Variants in HPSE observed in about 807,000 individuals in gnomAD.
HPSE encodes heparanase, also known as endo-glucoronidase.
In HPSE, 48 loss-of-function variants were observed where a neutral mutation model predicts 65.1. That is an observed-to-expected ratio of 0.74 (90% CI 0.58 to 0.94). The LOEUF is 0.94. HPSE is among the 40% of genes least tolerant of loss of function. The pLI, the probability that HPSE is intolerant of heterozygous loss-of-function variation, is 0.00. For synonymous variants in HPSE, 243 were observed against 260.0 expected, an observed-to-expected ratio of 0.93 and a Z score of 0.63; for missense variants, 644 against 637.5, an observed-to-expected ratio of 1.01 and a Z score of -0.11.
chr4:83,324,172 A>G (rs998972981), intron 1 of HPSE, among the ~76,000 whole-genome samples: 5 of 118,660 alleles, frequency 4.2e-5, no homozygotes, highest in Non-Finnish European at 7.9e-5. Context: ...TCCAGGCTGG[A>G]GTACGATGGC....
At chr4:83,301,221 C>T (rs1735936029) in intron 10 of HPSE, 115 bp from the exon 11 acceptor site, 1 of 620,204 alleles carries the variant, frequency 1.6e-6, no homozygotes, top group African/African-American at 1.9e-5. Flanking sequence ...CATAATGCAT[C>T]CTAAGTATTA....
chr4:83,313,430 A>G, intron 3 of HPSE, 143 bp from the exon 4 acceptor site: 1 of 572,290 alleles, frequency 1.7e-6, no homozygotes, highest in Non-Finnish European at 2.9e-6. Context: ...TATGTTTTTG[A>G]GACAACAAAA....
rs981215963 is a variant in HPSE, at chr4:83,298,920, A to G, written c.1472+2040T>C. ...ATATGAGTAAGCGTACAGACTGTGC[A>G]CTCAAAAACTTATCTAGGATACTAT... On this transcript the variant is annotated intron_variant, in intron 11 of 11. Coordinates refer to ENST00000311412, the MANE Select transcript of HPSE (RefSeq NM_001098540.3). 6.6e-5 allele frequency among the ~76,000 whole-genome samples: 10 copies of G among 152,182 alleles called. No homozygotes were observed. The South Asian group carries it at 2.1e-3, about 31-fold the overall frequency.
At chr4:83,329,677 T>C (rs999741912) in intron 1 of HPSE, among the ~76,000 whole-genome samples, 23 of 152,180 alleles carry the variant, frequency 1.5e-4, no homozygotes, top group Non-Finnish European at 3.4e-4. Context: ...ATGAAATGCA[T>C]ACATTTCATG....
At chr4:83,312,623 A>T (rs1429146503) in intron 4 of HPSE, among the ~76,000 whole-genome samples, 1 of 142,948 alleles carries the variant, frequency 7.0e-6, no homozygotes, top group Non-Finnish European at 1.5e-5. Context: ...GCTTGCAGTG[A>T]GCCGAGATGG....
intron 3 of HPSE, among the ~76,000 whole-genome samples, chr4:83,314,989 C>T (rs1179139798): frequency 2.6e-5 from 4 of 151,798 alleles, no homozygotes; most frequent in Non-Finnish European, 4.4e-5. Context: ...AACCCCGTCT[C>T]TACTAAAAAT....
chr4:83,303,345 T>G (rs11099590), intron 9 of HPSE, among the ~76,000 whole-genome samples: 141,941 of 152,132 alleles, frequency 0.93, 67,016 homozygotes, highest in East Asian at 1. Flanking sequence ...GAGGGAGGAA[T>G]AACTTAAAGA....
At chr4:83,297,398 C>T (rs954902550) in intron 11 of HPSE, among the ~76,000 whole-genome samples, 3 of 150,414 alleles carry the variant, frequency 2.0e-5, no homozygotes, top group African/African-American at 7.4e-5. Context: ...CTTGATTCTT[C>T]CCCCCACCCC....
At chr4:83,322,070 T>C in intron 2 of HPSE, 149 bp downstream of exon 2, 1 of 315,054 alleles carries the variant, frequency 3.2e-6, no homozygotes, top group Non-Finnish European at 5.3e-6. Context: ...TGCCTCCTCC[T>C]CTTGTTCAGA....
intron 2 of HPSE, among the ~76,000 whole-genome samples, chr4:83,320,339 T>C (rs1736838432): frequency 1.3e-5 from 2 of 152,046 alleles, no homozygotes; most frequent in East Asian, 3.9e-4. Context: ...CCAAGGCAGA[T>C]GGATAGCTTG....
At position 83,295,451 on chromosome 4, in the gene HPSE, G is replaced by A. The variant is rs747557302; in HGVS notation, c.1525C>T (p.Pro509Ser). ...CGGAGAGGTTTTTCCATTAAAGGTG[G>A]CAAGGTTTGATCATCCACCATCTTT... ...TLKMVDDQTL[P>S]PLMEKPLRPG... Residue 509 changes from proline (P) to serine (S), a missense_variant, in exon 12 of 12, where the codon CCA becomes TCA. Pro to Ser is a moderately conservative substitution (Grantham distance 74). Transcript: ENST00000311412. 6.2e-7 allele frequency: 1 copy of A among 1,612,866 alleles called. No homozygotes were observed. Among genetic ancestry groups the A allele is most frequent in the South Asian group, 1.1e-5 (1 of 90,918 alleles).
At chr4:83,334,870 C>T, upstream of HPSE, 3 of 1,435,300 alleles carry the variant, frequency 2.1e-6, no homozygotes, top group African/African-American at 2.9e-5. Context: ...AGCCCCAGCG[C>T]CCTTTTCTCC....
At chr4:83,310,636 C>T in intron 5 of HPSE, 86 bp downstream of exon 5, 1 of 1,276,236 alleles carries the variant, frequency 7.8e-7, no homozygotes, top group Non-Finnish European at 1.1e-6. Context: ...TGTACCACTG[C>T]ACTCCAGTCT....
Position 83,334,733 on chromosome 4 carries a change from A to AGCAGCAGCATCAGCGGCG in HPSE, c.32_49dup (p.Pro11_Leu16dup). 6.4e-7 allele frequency: 1 copy of AGCAGCAGCATCAGCGGCG among 1,561,266 alleles called. No homozygotes were observed. Among genetic ancestry groups the AGCAGCAGCATCAGCGGCG allele is most frequent in the Non-Finnish European group, 8.7e-7 (1 of 1,152,622 alleles). ...GGAGAGGGGACCCAGCGGCCCCAGG[A>AGCAGCAGCATCAGCGGCG]GCAGCAGCATCAGCGGCGGCGGCAG... On this transcript the variant is annotated inframe_insertion, in exon 1 of 12. Coordinates refer to ENST00000311412, the MANE Select transcript of HPSE (RefSeq NM_001098540.3).
intron 6 of HPSE, among the ~76,000 whole-genome samples, 156 bp from the exon 7 acceptor site, chr4:83,309,651 G>A (rs183276377): frequency 1.6e-4 from 25 of 152,280 alleles, no homozygotes; most frequent in African/African-American, 5.8e-4. Context: ...ATGGAAGGGA[G>A]TTATGAGGAG....
chr4:83,322,434 C>G (rs1736946709), intron 1 of HPSE, 70 bp from the exon 2 acceptor site: 22 of 1,297,946 alleles, frequency 1.7e-5, no homozygotes, highest in Non-Finnish European at 2.2e-5. Flanking sequence ...TTCTTACTTC[C>G]TTCTTTCCTG....
At chr4:83,333,518 T>C (rs891983154) in intron 1 of HPSE, among the ~76,000 whole-genome samples, 1 of 152,200 alleles carries the variant, frequency 6.6e-6, no homozygotes, top group African/African-American at 2.4e-5. Context: ...TCTTTCCCTC[T>C]ATCTGGGCTG....
In HPSE at chr4:83,334,695, G is replaced by T. The variant is rs1208096780; in HGVS notation, c.88C>A (p.Pro30Thr). 1.9e-6 allele frequency: 3 copies of T among 1,570,382 alleles called. No homozygotes were observed. The highest frequency in any genetic ancestry group is 1.4e-5 in the African/African-American group (1 of 73,932). The change falls in exon 1 of 12, where the codon CCC becomes ACC. Residue 30 changes from proline (P) to threonine (T), a missense_variant. Coordinates refer to ENST00000311412, the MANE Select transcript of HPSE (RefSeq NM_001098540.3). ...ACGTCCTGTGCTTGCGCAGGTCGGG[G>T]CAGGGCGCCAGGGGAGAGGGGACCC... ...PLGPLSPGALPRPAQAQDVVD... is the reference protein window; with the variant it reads ...PLGPLSPGALTRPAQAQDVVD...
chr4:83,329,134 A>C (rs1737264851), intron 1 of HPSE, among the ~76,000 whole-genome samples: 1 of 152,166 alleles, frequency 6.6e-6, no homozygotes, highest in Admixed American at 6.5e-5. Context: ...GAAGTCTGGA[A>C]GCTAAAAAAT....
Sources: allele counts gnomAD v4.1 joint callset (sites outside exome capture counted in the v4.1 genomes callset), GRCh38; gene constraint gnomAD v4.1.1; transcripts MANE v1.5; gene names NCBI Gene and HGNC (gene_info 2026-07-23, HGNC 2026-07-21).